The following IER5L variants were observed in gnomAD, a reference collection of about 807,000 sequenced individuals.
The protein encoded by IER5L is immediate early response 5 like, also known as immediate early response gene 5-like protein.
Under a neutral mutation model 28.3 loss-of-function variants are expected in IER5L, and 6 were observed. The observed-to-expected ratio is 0.21, with a 90% CI of 0.12 to 0.42. The LOEUF (loss-of-function observed/expected upper bound fraction) is 0.42. Ranked by LOEUF, IER5L falls within the 10% of genes least tolerant of loss-of-function variation. The pLI, the probability that IER5L is intolerant of heterozygous loss-of-function variation, is 1.00. For synonymous variants in IER5L, 351 were observed against 282.5 expected, an observed-to-expected ratio of 1.24 and a Z score of -2.43; for missense variants, 607 against 575.2, an observed-to-expected ratio of 1.06 and a Z score of -0.56.
Position 129,177,984 on chromosome 9 carries a change from G to T in IER5L, c.69C>A (p.Thr23=). Residue 23 remains threonine, a synonymous_variant, in exon 1 of 1, where the codon ACC becomes ACA. Transcript: ENST00000372491. ...ISLRKIHSSR[T]QRGGIKLHKN... Reference sequence around the variant, plus strand: ...TGTGCAGCTTGATGCCGCCGCGCTGGGTTCGGGAGCTGTGGATCTTGCGCA... The same window carrying T: ...TGTGCAGCTTGATGCCGCCGCGCTGTGTTCGGGAGCTGTGGATCTTGCGCA... The T allele has an allele frequency of 1.3e-6, 2 of 1,580,748 alleles. No homozygotes were observed. The highest frequency in any genetic ancestry group is 2.5e-5 in the East Asian group (1 of 40,612).
At position 129,177,920 on chromosome 9, in the gene IER5L, G is replaced by T; in HGVS notation, c.133C>A (p.Gln45Lys). 6.4e-7 allele frequency: 1 copy of T among 1,565,250 alleles called. No individual in the cohort carries two copies. Among genetic ancestry groups the T allele is most frequent in the Non-Finnish European group, 8.6e-7 (1 of 1,156,518 alleles). Residue 45 changes from glutamine to lysine, a missense_variant, in exon 1 of 1, where the codon CAG becomes AAG. Physicochemically the swap from Gln to Lys is moderately conservative, Grantham distance 53. Coordinates refer to ENST00000372491, the MANE Select transcript of IER5L (RefSeq NM_203434.3). ...LVSYVLRNAR[Q>K]LYLSERYAEL... ...GCGTAGCGCTCGCTCAGGTAGAGCTGGCGCGCGTTGCGGAGCACGTAGGAC... is the reference window on the plus strand; with the variant it reads ...GCGTAGCGCTCGCTCAGGTAGAGCTTGCGCGCGTTGCGGAGCACGTAGGAC...
chr9:129,178,217 C>T lies in IER5L; in HGVS notation c.-165G>A. 1.9e-6 allele frequency: 1 copy of T among 536,588 alleles called. No individual in the cohort carries two copies. Among genetic ancestry groups the T allele is most frequent in the Non-Finnish European group, 2.9e-6 (1 of 342,892 alleles). The allele number at this position is 536,588 out of a possible 1,614,324, so 33.2% of individuals were successfully genotyped here. A position where few individuals can be genotyped will look rare whatever the true frequency, so the allele number is the denominator to read the frequency against. ...AGGAGCCGCCACCATGCGCCGCGCG[C>T]CACCCGCGGGCTCGCGCTCCCCAGA... On this transcript the variant is annotated 5_prime_UTR_variant, in exon 1 of 1. Transcript: ENST00000372491.
In IER5L at chr9:129,177,255, C is replaced by T. The variant is rs533042499; in HGVS notation, c.798G>A (p.Thr266=). ...VLDLDTHVVT[T]VENGYLHQDC... is the part of the protein sequence containing the mutation. ...CCTGGTGCAAGTAGCCGTTCTCCACCGTGGTCACCACGTGAGTGTCTAGGT... is the reference window on the plus strand; with the variant it reads ...CCTGGTGCAAGTAGCCGTTCTCCACTGTGGTCACCACGTGAGTGTCTAGGT... Residue 266 remains threonine (T), a synonymous_variant, in exon 1 of 1, where the codon ACG becomes ACA. Transcript: ENST00000372491. The T allele has an allele frequency of 8.2e-6, 12 of 1,467,492 alleles. No individual in the cohort carries two copies. The African/African-American group carries it at 1.2e-4, about 14-fold the overall frequency. The allele number at this position is 1,467,492 out of a possible 1,614,324, so 90.9% of individuals were successfully genotyped here. A position where few individuals can be genotyped will look rare whatever the true frequency, so the allele number is the denominator to read the frequency against.
Position 129,178,144 on chromosome 9 carries a change from CG to C in IER5L, c.-93del. 8.7e-7 allele frequency: 1 copy of C among 1,148,980 alleles called. No individual in the cohort carries two copies. The highest frequency in any genetic ancestry group is 1.1e-6 in the Non-Finnish European group (1 of 879,428). 71.2% of individuals were successfully genotyped at this position (1,148,980 alleles called of 1,614,324 possible). ...CCTCCAGCCGGCCGCCGGGGCGCGC[CG>C]GGCAGGGGTAACGGAGTCCGGGTCA... On this transcript the variant is annotated 5_prime_UTR_variant, in exon 1 of 1. Coordinates refer to ENST00000372491, the MANE Select transcript of IER5L (RefSeq NM_203434.3).
In IER5L at chr9:129,178,006, C is replaced by A. The variant is rs1435661936; in HGVS notation, c.47G>T (p.Arg16Leu). 1 of 1,567,286 alleles carries A rather than the reference C, an allele frequency of 6.4e-7. No homozygotes were observed. Among genetic ancestry groups the A allele is most frequent in the Admixed American group, 1.8e-5 (1 of 55,326 alleles). Residue 16 changes from arginine (R) to leucine (L), a missense_variant, in exon 1 of 1, where the codon CGC becomes CTC. By Grantham distance (102) the Arg-to-Leu change is moderately radical (BLOSUM62 -2). Transcript: ENST00000372491. Reference protein sequence around the residue: ...DAQSLISISLRKIHSSRTQRG... With the variant: ...DAQSLISISLLKIHSSRTQRG... ...CTGGGTTCGGGAGCTGTGGATCTTG[C>A]GCAGGGAGATGCTGATCAGGCTCTG...
rs774025363 is a variant in IER5L, at chr9:129,177,201, G to A, written c.852C>T (p.Cys284=). 2 of 1,476,682 alleles carry A rather than the reference G, an allele frequency of 1.4e-6. No homozygotes were observed. Among genetic ancestry groups the A allele is most frequent in the East Asian group, 2.5e-5 (1 of 39,356 alleles). The allele number at this position is 1,476,682 out of a possible 1,614,324, so 91.5% of individuals were successfully genotyped here. ...QDCCASAHCP[C]CGQGAPGPGL... ...CCGGTCCCGGAGCGCCCTGGCCACAGCAGGGGCAGTGGGCGGAGGCGCAGC... is the reference window on the plus strand; with the variant it reads ...CCGGTCCCGGAGCGCCCTGGCCACAACAGGGGCAGTGGGCGGAGGCGCAGC... The change falls in exon 1 of 1, where the codon TGC becomes TGT. Residue 284 remains cysteine (C), a synonymous_variant. Transcript: ENST00000372491.
At position 129,177,289 on chromosome 9, in the gene IER5L, G is replaced by A; in HGVS notation, c.764C>T (p.Thr255Ile). The A allele has an allele frequency of 6.8e-7, 1 of 1,464,152 alleles. No individual in the cohort carries two copies. Among genetic ancestry groups the A allele is most frequent in the Non-Finnish European group, 9.0e-7 (1 of 1,116,896 alleles). The allele number at this position is 1,464,152 out of a possible 1,614,324, so 90.7% of individuals were successfully genotyped here. ...DFGLHCSSQT[T>I]VLDLDTHVVT... is the part of the protein sequence containing the mutation. ...CACGTGAGTGTCTAGGTCCAGCACG[G>A]TGGTCTGGCTGCTGCAGTGCAAGCC... The change falls in exon 1 of 1, where the codon ACC becomes ATC. Residue 255 changes from threonine to isoleucine, a missense_variant. Transcript: ENST00000372491.
Position 129,176,899 on chromosome 9 carries a change from A to C in IER5L, c.1154T>G (p.Leu385Arg). Reference protein sequence around the residue: ...SEQPPPLNGQLCAKQALASLG... With the variant: ...SEQPPPLNGQRCAKQALASLG... Reference sequence around the variant, plus strand: ...GCTGGCGAGCGCCTGCTTGGCGCACAGCTGCCCGTTGAGCGGCGGCGGCTG... The same window carrying C: ...GCTGGCGAGCGCCTGCTTGGCGCACCGCTGCCCGTTGAGCGGCGGCGGCTG... Residue 385 changes from leucine (L) to arginine (R), a missense_variant, in exon 1 of 1, where the codon CTG becomes CGG. Physicochemically the swap from Leu to Arg is moderately radical, Grantham distance 102. Coordinates refer to ENST00000372491, the MANE Select transcript of IER5L (RefSeq NM_203434.3). 1 of 1,604,946 alleles carries C rather than the reference A, an allele frequency of 6.2e-7. No individual in the cohort carries two copies. Among genetic ancestry groups the C allele is most frequent in the Non-Finnish European group, 8.5e-7 (1 of 1,176,884 alleles).
Position 129,175,925 on chromosome 9 carries a change from G to A in IER5L, c.*913C>T, listed in dbSNP as rs1455104016. 1 of 152,262 alleles carries A rather than the reference G, an allele frequency of 6.6e-6. No homozygotes were observed. The highest frequency in any genetic ancestry group is 2.4e-5 in the African/African-American group (1 of 41,456). The allele number at this position is 152,262 out of a possible 1,614,324, so 9.4% of individuals were successfully genotyped here. ...CAGCTGACCAGGAACTTAGTGCAAAGTCTCCAACGCAGTCGGCGGTCCCGG... is the reference window on the plus strand; with the variant it reads ...CAGCTGACCAGGAACTTAGTGCAAAATCTCCAACGCAGTCGGCGGTCCCGG... On this transcript the variant is annotated 3_prime_UTR_variant, in exon 1 of 1. Coordinates refer to ENST00000372491, the MANE Select transcript of IER5L (RefSeq NM_203434.3). This position sits in a 1 kb window ranked among gnomAD's most constrained non-coding sequence, Gnocchi z 5.2.
chr9:129,177,880 C>A lies in IER5L; in HGVS notation c.173G>T (p.Arg58Leu), dbSNP rs1352906749. The change falls in exon 1 of 1, where the codon CGC becomes CTC. Residue 58 changes from arginine (R) to leucine (L), a missense_variant. Arg to Leu is a moderately radical substitution (Grantham distance 102). Transcript: ENST00000372491. ...CTGCTGCTGTTGCTGCTGCTGCTGGCGCCGGTAGAGCTCGGCGTAGCGCTC... is the reference window on the plus strand; with the variant it reads ...CTGCTGCTGTTGCTGCTGCTGCTGGAGCCGGTAGAGCTCGGCGTAGCGCTC... ...LSERYAELYR[R>L]QQQQQQQQPP... The A allele has an allele frequency of 6.5e-7, 1 of 1,545,286 alleles. No homozygotes were observed. The highest frequency in any genetic ancestry group is 8.7e-7 in the Non-Finnish European group (1 of 1,145,898).
rs1394097699 is a variant in IER5L, at chr9:129,176,295, T to A, written c.*543A>T. ...CCAGAGAGGAAATGTGACCCAAACG[T>A]CCCTTTCGGAGATAGAGTTTGCCTT... On this transcript the variant is annotated 3_prime_UTR_variant, in exon 1 of 1. Transcript: ENST00000372491. 1 of 152,116 alleles carries A rather than the reference T, an allele frequency of 6.6e-6. No individual in the cohort carries two copies. The allele number at this position is 152,116 out of a possible 1,614,324, so 9.4% of individuals were successfully genotyped here.
chr9:129,178,057 C>T lies in IER5L; in HGVS notation c.-5G>A. 3 of 1,420,954 alleles carry T rather than the reference C, an allele frequency of 2.1e-6. No homozygotes were observed. In the South Asian group the frequency reaches 4.5e-5, roughly 22 times the overall value. The allele number at this position is 1,420,954 out of a possible 1,614,324, so 88.0% of individuals were successfully genotyped here. On this transcript the variant is annotated 5_prime_UTR_variant, in exon 1 of 1. Coordinates refer to ENST00000372491, the MANE Select transcript of IER5L (RefSeq NM_203434.3). ...GGCGTCCAGGGCGCACTCCATGCTCCCGCGGAGACGGCGGCGGAGCAGCCG... is the reference window on the plus strand; with the variant it reads ...GGCGTCCAGGGCGCACTCCATGCTCTCGCGGAGACGGCGGCGGAGCAGCCG...
Position 129,178,199 on chromosome 9 carries a change from G to A in IER5L, c.-147C>T, listed in dbSNP as rs115889472. The A allele has an allele frequency of 2.9e-3, 1,759 of 603,702 alleles. 25 individuals carry two copies. The highest frequency in any genetic ancestry group is 0.027 in the African/African-American group (1,401 of 51,760). The allele number at this position is 603,702 out of a possible 1,614,324, so 37.4% of individuals were successfully genotyped here. On this transcript the variant is annotated 5_prime_UTR_variant, in exon 1 of 1. Coordinates refer to ENST00000372491, the MANE Select transcript of IER5L (RefSeq NM_203434.3). ...GTTCGGCTGCGCTCCGAAAGGAGCC[G>A]CCACCATGCGCCGCGCGCCACCCGC...
Position 129,177,189 on chromosome 9 carries a change from G to T in IER5L, c.864C>A (p.Gly288=). The T allele has an allele frequency of 6.8e-7, 1 of 1,480,024 alleles. No individual in the cohort carries two copies. The highest frequency in any genetic ancestry group is 8.9e-7 in the Non-Finnish European group (1 of 1,121,828). 91.7% of individuals were successfully genotyped at this position (1,480,024 alleles called of 1,614,324 possible). ...CGGACGCCAGGCCCGGTCCCGGAGCGCCCTGGCCACAGCAGGGGCAGTGGG... is the reference window on the plus strand; with the variant it reads ...CGGACGCCAGGCCCGGTCCCGGAGCTCCCTGGCCACAGCAGGGGCAGTGGG... The part of the protein sequence containing the change: ...ASAHCPCCGQ[G]APGPGLASAA... The change falls in exon 1 of 1, where the codon GGC becomes GGA. Residue 288 remains glycine (G), a synonymous_variant. Transcript: ENST00000372491.
rs1829393845 is a variant in IER5L, at chr9:129,176,278, G to A, written c.*560C>T. ...AACTTTGGAGTCCGCCCCCAGAGAG[G>A]AAATGTGACCCAAACGTCCCTTTCG... is the stretch of plus-strand genomic sequence containing the variant. On this transcript the variant is annotated 3_prime_UTR_variant, in exon 1 of 1. Coordinates refer to ENST00000372491, the MANE Select transcript of IER5L (RefSeq NM_203434.3). 3 of 152,348 alleles carry A rather than the reference G, an allele frequency of 2.0e-5. No individual in the cohort carries two copies. Among genetic ancestry groups the A allele is most frequent in the Middle Eastern group, 3.4e-3 (1 of 294 alleles). The allele number at this position is 152,348 out of a possible 1,614,324, so 9.4% of individuals were successfully genotyped here.
chr9:129,177,624 G>GCCGCC lies in IER5L; in HGVS notation c.428_429insGGCGG (p.Gly144AlafsTer118). On this transcript the variant is annotated frameshift_variant, in exon 1 of 1. Transcript: ENST00000372491. LOFTEE classifies it high-confidence loss of function. ...CCCCCGCGCCGCCCGCGGGCGCTCC[G>GCCGCC]GCCGCCGCCGCCGCCGCGCAGCCCC... is the stretch of plus-strand genomic sequence containing the variant. 1 of 1,138,052 alleles carries GCCGCC rather than the reference G, an allele frequency of 8.8e-7. No homozygotes were observed. The highest frequency in any genetic ancestry group is 1.1e-6 in the Non-Finnish European group (1 of 935,294). 70.5% of individuals were successfully genotyped at this position (1,138,052 alleles called of 1,614,324 possible).
chr9:129,178,095 C>G lies in IER5L; in HGVS notation c.-43G>C, dbSNP rs936796002. The G allele has an allele frequency of 2.8e-5, 39 of 1,369,872 alleles. No individual in the cohort carries two copies. Among genetic ancestry groups the G allele is most frequent in the Non-Finnish European group, 3.5e-5 (37 of 1,059,052 alleles). The allele number at this position is 1,369,872 out of a possible 1,614,324, so 84.9% of individuals were successfully genotyped here. On this transcript the variant is annotated 5_prime_UTR_variant, in exon 1 of 1. Transcript: ENST00000372491. ...GGCGGAGCAGCCGCCGCCGCTGCTG[C>G]TGTTAACGCTTCTGCTGTTTCTGCC...
rs1459259448 is a variant in IER5L, at chr9:129,177,004, G to C, written c.1049C>G (p.Ala350Gly). The change falls in exon 1 of 1, where the codon GCG becomes GGG. Residue 350 changes from alanine to glycine, a missense_variant. Physicochemically the swap from Ala to Gly is moderately conservative, Grantham distance 60. Transcript: ENST00000372491. Reference sequence around the variant, plus strand: ...GGAGATCAAGTTTGAGATGTTGGACGCGTCCGGGGACGAGTCCGGGCAGAA... The same window carrying C: ...GGAGATCAAGTTTGAGATGTTGGACCCGTCCGGGGACGAGTCCGGGCAGAA... ...EDFCPDSSPDASNISNLISIF... is the reference protein window; with the variant it reads ...EDFCPDSSPDGSNISNLISIF... 1.3e-6 allele frequency: 2 copies of C among 1,597,734 alleles called. No homozygotes were observed. Among genetic ancestry groups the C allele is most frequent in the Admixed American group, 1.7e-5 (1 of 58,666 alleles).
Position 129,177,178 on chromosome 9 carries a change from G to T in IER5L, c.875C>A (p.Pro292Gln). 1.4e-6 allele frequency: 2 copies of T among 1,477,884 alleles called. No homozygotes were observed. Among genetic ancestry groups the T allele is most frequent in the African/African-American group, 1.5e-5 (1 of 67,842 alleles). 91.5% of individuals were successfully genotyped at this position (1,477,884 alleles called of 1,614,324 possible). Reference sequence around the variant, plus strand: ...GCAGCCGGCGGCGGACGCCAGGCCCGGTCCCGGAGCGCCCTGGCCACAGCA... The same window carrying T: ...GCAGCCGGCGGCGGACGCCAGGCCCTGTCCCGGAGCGCCCTGGCCACAGCA... ...CPCCGQGAPG[P>Q]GLASAAGCKR... The change falls in exon 1 of 1, where the codon CCG (proline) becomes CAG (glutamine). Residue 292 changes from proline to glutamine, a missense_variant. Physicochemically the swap from Pro to Gln is moderately conservative, Grantham distance 76. Transcript: ENST00000372491.
Sources: gnomAD v4.1 joint callset for allele counts on GRCh38, gnomAD v4.1.1 for gene constraint, Gnocchi (gnomAD v3.1) non-coding constraint, MANE v1.5 for transcripts, NCBI Gene and HGNC (gene_info 2026-07-23, HGNC 2026-07-21) for gene names.